MAS1: variants seen among roughly 807,000 people sequenced by gnomAD.
MAS1 encodes the protein MAS1 proto-oncogene, G protein-coupled receptor, also known as proto-oncogene Mas.
For synonymous variants in MAS1, 163 were observed against 164.2 expected (o/e 0.99, Z 0.05); for missense variants, 387 against 409.7 (o/e 0.94, Z 0.48).
At position 159,910,282 on chromosome 6, in the gene MAS1, G is replaced by A. The variant is rs567387168; in HGVS notation, c.*2349G>A. The A allele has an allele frequency of 3.3e-5, 5 of 152,354 alleles. No individual in the cohort carries two copies. The highest frequency in any genetic ancestry group is 2.0e-4 in the Admixed American group (3 of 15,298). The allele number at this position is 152,354 out of a possible 1,614,324, so 9.4% of individuals were successfully genotyped here. ...ACCATGATGTGGACAAGGCAAAGAC[G>A]GGGAAGCGGAAGCCGCTGTCTATGT... On this transcript the variant is annotated 3_prime_UTR_variant, in exon 3 of 3. Coordinates refer to ENST00000674077, the MANE Select transcript of MAS1 (RefSeq NM_002377.4).
chr6:159,899,626 C>G (rs1562310258), intron 2 of MAS1, among the ~76,000 whole-genome samples: 1 of 152,110 alleles, frequency 6.6e-6, no homozygotes, highest in Non-Finnish European at 1.5e-5. Context: ...GTAGTCCCAG[C>G]TACTCAGGAG....
chr6:159,910,810 C>G lies in MAS1; in HGVS notation c.*2877C>G, dbSNP rs896120485. The G allele has an allele frequency of 6.6e-6, 1 of 152,200 alleles. No homozygotes were observed. The highest frequency in any genetic ancestry group is 2.4e-5 in the African/African-American group (1 of 41,422). The allele number at this position is 152,200 out of a possible 1,614,324, so 9.4% of individuals were successfully genotyped here. ...TGTCCTGACTCTTGCCACAATTCAC[C>G]CCTCAACATCCTGCCATTTGTCTTG... On this transcript the variant is annotated 3_prime_UTR_variant, in exon 3 of 3. Coordinates refer to ENST00000674077, the MANE Select transcript of MAS1 (RefSeq NM_002377.4).
At chr6:159,890,867 T>G (rs1782689988), upstream of MAS1, among the ~76,000 whole-genome samples, 1 of 152,220 alleles carries the variant, frequency 6.6e-6, no homozygotes. Flanking sequence ...CGCTCTGGAT[T>G]GGCGTGAAGA....
chr6:159,899,888 A>G (rs1262338492), intron 2 of MAS1, among the ~76,000 whole-genome samples: 1 of 152,080 alleles, frequency 6.6e-6, no homozygotes, highest in East Asian at 1.9e-4. Flanking sequence ...TCTACTAAAA[A>G]TACAAAAATT....
chr6:159,891,912 T>C (rs1782703684), intron 1 of MAS1, among the ~76,000 whole-genome samples: 1 of 152,094 alleles, frequency 6.6e-6, no homozygotes, highest in African/African-American at 2.4e-5. Flanking sequence ...GCTGGGTAAT[T>C]CTTTGCCGTG....
rs373989005 is a variant in MAS1 at position 159,903,330 on chromosome 6, G to A, written c.-36-3590G>A. 3.3e-5 allele frequency among the ~76,000 whole-genome samples: 5 copies of A among 152,180 alleles called. No homozygotes were observed. In the East Asian group the frequency reaches 9.7e-4, roughly 29 times the overall value. ...ACCCGCCTGGTAAACCCCAGCCCTGGTTAAATCCACCTCTCCTCTTTCTCC... is the reference window on the plus strand; with the variant it reads ...ACCCGCCTGGTAAACCCCAGCCCTGATTAAATCCACCTCTCCTCTTTCTCC... On this transcript the variant is annotated intron_variant, in intron 2 of 2. Transcript: ENST00000674077.
intron 2 of MAS1, among the ~76,000 whole-genome samples, chr6:159,906,342 G>A (rs1379597507): frequency 6.6e-6 from 1 of 151,876 alleles, no homozygotes; most frequent in East Asian, 1.9e-4. Context: ...TAAAATAAAT[G>A]CCTTTTGATT....
At position 159,916,274 on chromosome 6, in the gene MAS1, A is replaced by C. The variant is rs367781384; in HGVS notation, c.*8341A>C. 6.6e-6 allele frequency: 1 copy of C among 152,224 alleles called. No individual in the cohort carries two copies. The highest frequency in any genetic ancestry group is 2.1e-4 in the South Asian group (1 of 4,828). The allele number at this position is 152,224 out of a possible 1,614,324, so 9.4% of individuals were successfully genotyped here. A position where few individuals can be genotyped will look rare whatever the true frequency, so the allele number is the denominator to read the frequency against. On this transcript the variant is annotated 3_prime_UTR_variant, in exon 3 of 3. Transcript: ENST00000674077. ...ACAAAGACTGTATGATTCCACTCATATGAGGGGCTTAGAGTTGTCAGATTC... is the reference window on the plus strand; with the variant it reads ...ACAAAGACTGTATGATTCCACTCATCTGAGGGGCTTAGAGTTGTCAGATTC...
rs1782957106 is a variant in MAS1 at position 159,910,854 on chromosome 6, G to C, written c.*2921G>C. On this transcript the variant is annotated 3_prime_UTR_variant, in exon 3 of 3. Coordinates refer to ENST00000674077, the MANE Select transcript of MAS1 (RefSeq NM_002377.4). ...TGTCTTGCAGCCTGACCATCATAGA[G>C]AGATTGGTCCAGATAGGAAGGTGAG... The C allele has an allele frequency of 6.6e-6, 1 of 152,216 alleles. No homozygotes were observed. Among genetic ancestry groups the C allele is most frequent in the South Asian group, 2.1e-4 (1 of 4,826 alleles). The allele number at this position is 152,216 out of a possible 1,614,324, so 9.4% of individuals were successfully genotyped here.
chr6:159,903,884 T>G (rs1782851603), intron 2 of MAS1, among the ~76,000 whole-genome samples: 1 of 152,130 alleles, frequency 6.6e-6, no homozygotes, highest in Admixed American at 6.5e-5. Flanking sequence ...CTCCTCCCAT[T>G]CTGTCTAAAC....
At chr6:159,889,346 T>G (rs1034493860), upstream of MAS1, among the ~76,000 whole-genome samples, 3 of 152,212 alleles carry the variant, frequency 2.0e-5, no homozygotes, top group Non-Finnish European at 1.5e-5. Context: ...GCGCAGGGTT[T>G]CACAGCACCC....
intron 1 of MAS1, among the ~76,000 whole-genome samples, chr6:159,896,866 G>T (rs968260849): frequency 5.3e-5 from 8 of 151,598 alleles, no homozygotes; most frequent in African/African-American, 1.9e-4. Context: ...TTTTTTGTTT[G>T]TTTGTTTGTT....
intron 2 of MAS1, among the ~76,000 whole-genome samples, chr6:159,900,467 G>C (rs1212801374): frequency 2.6e-5 from 4 of 152,222 alleles, no homozygotes; most frequent in Non-Finnish European, 5.9e-5. Context: ...TCACTTCAGA[G>C]ACCGAAACTC....
intron 1 of MAS1, among the ~76,000 whole-genome samples, chr6:159,896,918 G>A (rs911586304): frequency 5.3e-5 from 8 of 152,120 alleles, no homozygotes; most frequent in Admixed American, 1.3e-4. Flanking sequence ...CTGTCACCCC[G>A]GCTGGAGTGC....
In MAS1 at chr6:159,908,045, C is replaced by A; in HGVS notation, c.*112C>A. The A allele has an allele frequency of 8.3e-7, 1 of 1,201,382 alleles. No homozygotes were observed. The highest frequency in any genetic ancestry group is 1.2e-6 in the Non-Finnish European group (1 of 866,078). The allele number at this position is 1,201,382 out of a possible 1,614,324, so 74.4% of individuals were successfully genotyped here. On this transcript the variant is annotated 3_prime_UTR_variant, in exon 3 of 3. Coordinates refer to ENST00000674077, the MANE Select transcript of MAS1 (RefSeq NM_002377.4). The stretch of plus-strand genomic sequence containing the variant: ...ATGTGATACAGAAGAACATCTCATC[C>A]CATATGCATGAGATACTAATTAATG...
At chr6:159,894,387 C>A (rs1036364910) in intron 1 of MAS1, among the ~76,000 whole-genome samples, 10 of 146,364 alleles carry the variant, frequency 6.8e-5, no homozygotes, top group Non-Finnish European at 4.5e-5. Flanking sequence ...CCACTGCACT[C>A]CAGCCTGGGC....
chr6:159,917,338 T>C lies in MAS1; in HGVS notation c.*9405T>C, dbSNP rs1783039598. ...TTGCCTGTAAATAGAATTCCAATTC[T>C]ACATGCTCAGGGACCATTTTGTTCA... On this transcript the variant is annotated 3_prime_UTR_variant, in exon 3 of 3. Coordinates refer to ENST00000674077, the MANE Select transcript of MAS1 (RefSeq NM_002377.4). Among the ~76,000 whole-genome samples the C allele has an allele frequency of 6.6e-6, 1 of 152,254 alleles. No individual in the cohort carries two copies. The highest frequency in any genetic ancestry group is 1.5e-5 in the Non-Finnish European group (1 of 68,038).
At chr6:159,892,882 C>T (rs1161227800) in intron 1 of MAS1, among the ~76,000 whole-genome samples, 1 of 152,112 alleles carries the variant, frequency 6.6e-6, no homozygotes, top group Non-Finnish European at 1.5e-5. Flanking sequence ...TTTCTTATAC[C>T]CCAGCCTTTC....
chr6:159,894,602 T>G (rs149411886), intron 1 of MAS1, among the ~76,000 whole-genome samples: 1 of 151,926 alleles, frequency 6.6e-6, no homozygotes, highest in Non-Finnish European at 1.5e-5. Flanking sequence ...AGACGTGAAG[T>G]GGGGTTCCAT....
Sources: gnomAD v4.1 joint callset for allele counts (sites outside exome capture counted in the v4.1 genomes callset) on GRCh38, gnomAD v4.1.1 for gene constraint, MANE v1.5 for transcripts, NCBI Gene and HGNC (gene_info 2026-07-23, HGNC 2026-07-21) for gene names.